ZNF385D: variants seen among roughly 807,000 people sequenced by gnomAD.
ZNF385D encodes the protein zinc finger protein 659.
ZNF385D carries 15 observed loss-of-function variants against 35.8 expected under a neutral mutation model. The observed-to-expected ratio is 0.42, with a 90% CI of 0.28 to 0.64. The LOEUF (loss-of-function observed/expected upper bound fraction) is 0.64, where lower values mean the gene tolerates loss of function less well. Ranked by LOEUF, ZNF385D falls within the 30% of genes least tolerant of loss-of-function variation. The pLI is 0.23. For synonymous variants in ZNF385D, 212 were observed against 186.8 expected, an observed-to-expected ratio of 1.13 and a Z score of -1.10; for missense variants, 474 against 494.6, an observed-to-expected ratio of 0.96 and a Z score of 0.39.
chr3:21,644,167 G>T (rs1575385606), intron 2 of ZNF385D, among the ~76,000 whole-genome samples: 1 of 152,026 alleles, frequency 6.6e-6, no homozygotes, highest in African/African-American at 2.4e-5. Flanking sequence ...ATGTTTCTAT[G>T]GCATATTTCT....
chr3:21,820,444 A>C (rs2073350853), intron 3 of ZNF385D, among the ~76,000 whole-genome samples: 1 of 151,904 alleles, frequency 6.6e-6, no homozygotes, highest in African/African-American at 2.4e-5. Context: ...GCAATAGTTA[A>C]GGGGTACAAC....
rs1185018305 is a variant in ZNF385D, at chr3:22,120,099, G to C, written c.325+48718C>G. ...ATTCATTCAACCTCCCAAAGTACTAGGATTACAGGTGTGATTCACCATGTC... is the reference window on the plus strand; with the variant it reads ...ATTCATTCAACCTCCCAAAGTACTACGATTACAGGTGTGATTCACCATGTC... On this transcript the variant is annotated intron_variant, in intron 3 of 5. Transcript: ENST00000494108. Among the ~76,000 whole-genome samples the C allele has an allele frequency of 3.3e-5, 5 of 151,152 alleles. No homozygotes were observed. The South Asian group carries it at 1.0e-3, about 32-fold the overall frequency.
chr3:21,747,902 T>C (rs149335334), intron 1 of ZNF385D, among the ~76,000 whole-genome samples: 122 of 152,274 alleles, frequency 8.0e-4, no homozygotes, highest in South Asian at 5.4e-3. Flanking sequence ...ATCTAAAACA[T>C]TGATGGGGGT....
chr3:21,542,874 C>A (rs917906727), intron 3 of ZNF385D: 3 of 152,350 alleles, frequency 2.0e-5, no homozygotes, highest in African/African-American at 7.2e-5. Context: ...TTTATTCACC[C>A]TTTAAACCTT....
intron 3 of ZNF385D, among the ~76,000 whole-genome samples, chr3:21,837,396 G>A (rs1695396681): frequency 6.6e-6 from 1 of 152,028 alleles, no homozygotes; most frequent in Non-Finnish European, 1.5e-5. Context: ...GGTAGATAGG[G>A]GTCTGGAATC....
At chr3:21,553,582 C>CAACA (rs1248352047) in intron 3 of ZNF385D, among the ~76,000 whole-genome samples, 1 of 152,114 alleles carries the variant, frequency 6.6e-6, no homozygotes, top group Non-Finnish European at 1.5e-5. Flanking sequence ...GAAAATAAGA[C>CAACA]AACAGTGAAG....
intron 2 of ZNF385D, among the ~76,000 whole-genome samples, chr3:22,276,548 T>C (rs1453043308): frequency 3.3e-5 from 5 of 152,186 alleles, no homozygotes; most frequent in Middle Eastern, 3.2e-3. Context: ...TGAAAATTGA[T>C]GACGATGGCA....
chr3:21,618,227 A>G (rs1475934770), intron 2 of ZNF385D, among the ~76,000 whole-genome samples: 1 of 152,018 alleles, frequency 6.6e-6, no homozygotes, highest in Non-Finnish European at 1.5e-5. Context: ...TCCCATTGTA[A>G]ATATACTTAG....
intron 3 of ZNF385D, among the ~76,000 whole-genome samples, chr3:22,157,799 A>C (rs1705689786): frequency 6.6e-6 from 1 of 152,144 alleles, no homozygotes; most frequent in Non-Finnish European, 1.5e-5. Flanking sequence ...CGAGTAGAAA[A>C]TATGACTTGT....
chr3:22,354,781 C>T (rs1696073425), intron 2 of ZNF385D, among the ~76,000 whole-genome samples: 1 of 151,956 alleles, frequency 6.6e-6, no homozygotes, highest in Non-Finnish European at 1.5e-5. Context: ...ATGATGAGGT[C>T]CTTGGAGTAT....
At chr3:21,844,864 A>G (rs1695899518) in intron 3 of ZNF385D, among the ~76,000 whole-genome samples, 1 of 151,974 alleles carries the variant, frequency 6.6e-6, no homozygotes, top group Admixed American at 6.6e-5. Context: ...GTATCAGTAT[A>G]TAGCATACAC....
At chr3:21,450,509 A>T (rs1702394876) in intron 4 of ZNF385D, among the ~76,000 whole-genome samples, 1 of 152,170 alleles carries the variant, frequency 6.6e-6, no homozygotes, top group South Asian at 2.1e-4. Context: ...TGCTGGGGGA[A>T]AAAGAAAAGT....
At chr3:22,150,703 G>C (rs940180998) in intron 3 of ZNF385D, among the ~76,000 whole-genome samples, 8 of 152,178 alleles carry the variant, frequency 5.3e-5, no homozygotes, top group Non-Finnish European at 1.2e-4. Flanking sequence ...ACTCATATAT[G>C]TCTTAAAATA....
intron 6 of ZNF385D, among the ~76,000 whole-genome samples, chr3:21,424,717 A>G (rs1369189380): frequency 9.1e-6 from 1 of 109,808 alleles, no homozygotes; most frequent in Admixed American, 1.1e-4. Flanking sequence ...AAAAACATTT[A>G]CAAAGGGAAG....
At chr3:21,452,987 T>A (rs1167762924) in intron 4 of ZNF385D, among the ~76,000 whole-genome samples, 1 of 151,902 alleles carries the variant, frequency 6.6e-6, no homozygotes, top group African/African-American at 2.4e-5. Context: ...TACTAAAAAG[T>A]TACAGTAATA....
At chr3:22,237,291 T>TA (rs1699240556) in intron 2 of ZNF385D, among the ~76,000 whole-genome samples, 1 of 152,200 alleles carries the variant, frequency 6.6e-6, no homozygotes, top group Non-Finnish European at 1.5e-5. Context: ...TTGAGCATCT[T>TA]TTCATGTGCC....
At position 21,421,245 on chromosome 3, in the gene ZNF385D, G is replaced by A; in HGVS notation, c.1157C>T (p.Ala386Val). 1.2e-6 allele frequency: 2 copies of A among 1,614,092 alleles called. No individual in the cohort carries two copies. Among genetic ancestry groups the A allele is most frequent in the Non-Finnish European group, 1.7e-6 (2 of 1,180,012 alleles). The change falls in exon 8 of 8, where the codon GCC becomes GTC. Residue 386 changes from alanine to valine, a missense_variant. Ala to Val is a moderately conservative substitution (Grantham distance 64). Coordinates refer to ENST00000281523, the MANE Select transcript of ZNF385D (RefSeq NM_024697.3). The part of the protein sequence containing the change: ...LRPAPGPIRT[A>V]HTPVLFAPY ...AGGAGCAAACAGCACAGGAGTGTGGGCGGTCCGAATGGGTCCAGGAGCTGG... is the reference window on the plus strand; with the variant it reads ...AGGAGCAAACAGCACAGGAGTGTGGACGGTCCGAATGGGTCCAGGAGCTGG...
At position 21,449,158 on chromosome 3, in the gene ZNF385D, C is replaced by T. The variant is rs144177467; in HGVS notation, c.440-11955G>A. 1.9e-4 allele frequency among the ~76,000 whole-genome samples: 29 copies of T among 151,618 alleles called. 1 individual carries two copies. The East Asian group carries it at 1.9e-3, about 10-fold the overall frequency. ...AATTCAATACTTTAAATATATTTTA[C>T]GGCAGAGTTATATTAATAAAGTATG... On this transcript the variant is annotated intron_variant, in intron 4 of 7. Transcript: ENST00000281523.
intron 3 of ZNF385D, among the ~76,000 whole-genome samples, chr3:22,151,886 A>C (rs1310777745): frequency 6.6e-6 from 1 of 152,148 alleles, no homozygotes; most frequent in Non-Finnish European, 1.5e-5. Flanking sequence ...TTAGGGGTAC[A>C]TGTGCAGGTT....
Sources: gnomAD v4.1 joint callset for allele counts (sites outside exome capture counted in the v4.1 genomes callset) on GRCh38, gnomAD v4.1.1 for gene constraint, MANE v1.5 for transcripts, NCBI Gene and HGNC (gene_info 2026-07-23, HGNC 2026-07-21) for gene names.